The following DPYSL3 variants were observed in gnomAD, a reference collection of about 807,000 sequenced individuals.
The protein encoded by DPYSL3 is dihydropyrimidinase like 3, also known as dihydropyrimidinase-related protein 3.
Under a neutral mutation model 66.1 loss-of-function variants are expected in DPYSL3, and 16 were observed. That is an observed-to-expected ratio of 0.24 (90% CI 0.16 to 0.37). DPYSL3 has a LOEUF of 0.37. DPYSL3 is among the 10% of genes least tolerant of loss of function. DPYSL3 has a pLI of 1.00. For synonymous variants in DPYSL3, 338 were observed against 345.1 expected (o/e 0.98, Z 0.23); for missense variants, 738 against 916.2 (o/e 0.81, Z 2.51).
intron 1 of DPYSL3, among the ~76,000 whole-genome samples, chr5:147,469,216 G>A (rs1250096142): frequency 1.3e-5 from 2 of 152,154 alleles, no homozygotes; most frequent in Non-Finnish European, 2.9e-5. Flanking sequence ...AGCAGCTGTA[G>A]GGCAATATCA....
chr5:147,398,685 G>A (rs78019986), intron 11 of DPYSL3, among the ~76,000 whole-genome samples: 2,352 of 152,148 alleles, frequency 0.015, 63 homozygotes, highest in African/African-American at 0.054. Flanking sequence ...ATCATTGCAC[G>A]CCCTGACTTC....
At chr5:147,423,863 G>C (rs1156870019) in intron 2 of DPYSL3, among the ~76,000 whole-genome samples, 1 of 152,130 alleles carries the variant, frequency 6.6e-6, no homozygotes, top group Non-Finnish European at 1.5e-5. Context: ...TGGGACTGCA[G>C]GCATACACCA....
chr5:147,501,160 G>T (rs1190490832), intron 1 of DPYSL3, among the ~76,000 whole-genome samples: 1 of 152,176 alleles, frequency 6.6e-6, no homozygotes, highest in Non-Finnish European at 1.5e-5. Context: ...GCCATGTAGA[G>T]ACGTGGGGAA....
chr5:147,433,756 A>G (rs1026231719), intron 1 of DPYSL3, among the ~76,000 whole-genome samples: 1 of 152,204 alleles, frequency 6.6e-6, no homozygotes, highest in Non-Finnish European at 1.5e-5. Context: ...ACTCCTGGCC[A>G]GGCGCAGTGG....
chr5:147,416,557 G>T (rs962359101), intron 3 of DPYSL3, among the ~76,000 whole-genome samples: 1 of 152,060 alleles, frequency 6.6e-6, no homozygotes, highest in Non-Finnish European at 1.5e-5. Context: ...TGAAGAAAAG[G>T]CAAAAGTTAC....
At chr5:147,450,714 C>T (rs1752712179) in intron 1 of DPYSL3, among the ~76,000 whole-genome samples, 1 of 152,102 alleles carries the variant, frequency 6.6e-6, no homozygotes, top group Non-Finnish European at 1.5e-5. Flanking sequence ...AAAAACAAAA[C>T]AAAACAAAAA....
intron 12 of DPYSL3, among the ~76,000 whole-genome samples, chr5:147,396,528 G>A (rs1245404768): frequency 1.3e-5 from 2 of 152,170 alleles, no homozygotes; most frequent in Admixed American, 6.5e-5. Context: ...GACCGTGCAG[G>A]ATGGATCATC....
chr5:147,431,210 A>G (rs757638269), intron 1 of DPYSL3, among the ~76,000 whole-genome samples: 3 of 152,188 alleles, frequency 2.0e-5, no homozygotes, highest in Non-Finnish European at 4.4e-5. Context: ...GAGAGGAAAA[A>G]CCAGACATTC....
At position 147,394,080 on chromosome 5, in the gene DPYSL3, G is replaced by A. The variant is rs200584034; in HGVS notation, c.2010C>T (p.Ile670=). 5.0e-6 allele frequency: 8 copies of A among 1,614,154 alleles called. No homozygotes were observed. In the Admixed American group the frequency reaches 8.3e-5, roughly 17 times the overall value. The part of the protein sequence containing the change: ...DEGVRSASKR[I]VAPPGGRSNI... Reference sequence around the variant, plus strand: ...TAGAACGGCCGCCTGGGGGCGCCACGATGCGCTTGCTGGCTGAGCGAACCC... The same window carrying A: ...TAGAACGGCCGCCTGGGGGCGCCACAATGCGCTTGCTGGCTGAGCGAACCC... The change falls in exon 14 of 14, where the codon ATC becomes ATT. Residue 670 remains isoleucine (I), a synonymous_variant. Coordinates refer to ENST00000343218, the MANE Select transcript of DPYSL3 (RefSeq NM_001197294.2).
chr5:147,494,522 T>C (rs2126451107), intron 1 of DPYSL3, among the ~76,000 whole-genome samples: 1 of 151,822 alleles, frequency 6.6e-6, no homozygotes, highest in Non-Finnish European at 1.5e-5. Flanking sequence ...AAATTACTAA[T>C]ATCAGAAATG....
chr5:147,502,615 C>T (rs536667795), intron 1 of DPYSL3, among the ~76,000 whole-genome samples: 12 of 132,316 alleles, frequency 9.1e-5, no homozygotes, highest in Non-Finnish European at 1.7e-4. Context: ...CTCGCTCTGT[C>T]GCCCAGGCTG....
At chr5:147,455,772 A>C (rs1365236059) in intron 1 of DPYSL3, among the ~76,000 whole-genome samples, 2 of 151,854 alleles carry the variant, frequency 1.3e-5, no homozygotes, top group African/African-American at 4.8e-5. Flanking sequence ...AAAAAAAAAT[A>C]CCGCTGCTGC....
intron 11 of DPYSL3, 91 bp from the exon 12 acceptor site, chr5:147,397,936 C>G: frequency 1.5e-6 from 2 of 1,320,532 alleles, no homozygotes; most frequent in Non-Finnish European, 1.0e-6. Flanking sequence ...TCATTTGCTG[C>G]TGATTCACCA....
chr5:147,485,385 A>G (rs1217977000), intron 1 of DPYSL3, among the ~76,000 whole-genome samples: 2 of 152,168 alleles, frequency 1.3e-5, no homozygotes, highest in Non-Finnish European at 2.9e-5. Context: ...GGGCCAAGCG[A>G]CTAAATAAAC....
In DPYSL3 at chr5:147,391,740, A is replaced by T. The variant is rs1213695036; in HGVS notation, c.*2295T>A. ...AATTCCCAGGGATTTCTATGCTTGG[A>T]GAGTTAGTAATGGTAAGTGAAGAAA... is the stretch of plus-strand genomic sequence containing the variant. On this transcript the variant is annotated 3_prime_UTR_variant, in exon 14 of 14. Transcript: ENST00000343218. 6.6e-6 allele frequency: 1 copy of T among 152,114 alleles called. No individual in the cohort carries two copies. Among genetic ancestry groups the T allele is most frequent in the Non-Finnish European group, 1.5e-5 (1 of 68,026 alleles). 9.4% of individuals were successfully genotyped at this position (152,114 alleles called of 1,614,324 possible).
At position 147,427,219 on chromosome 5, in the gene DPYSL3, T is replaced by C. The variant is rs1752214130; in HGVS notation, c.382-2256A>G. Among the ~76,000 whole-genome samples the C allele has an allele frequency of 2.0e-5, 3 of 152,258 alleles. No homozygotes were observed. In the South Asian group the frequency reaches 6.2e-4, roughly 31 times the overall value. ...ACCTGACCTTCCAGCAAATTTCACC[T>C]GCTCCCACTGCAAGTTAGTTGGAAA... On this transcript the variant is annotated intron_variant, in intron 1 of 13. Coordinates refer to ENST00000343218, the MANE Select transcript of DPYSL3 (RefSeq NM_001197294.2).
chr5:147,395,669 TCAAA>T lies in DPYSL3; in HGVS notation c.1852_1855del (p.Phe618ThrfsTer2). The T allele has an allele frequency of 6.2e-7, 1 of 1,613,984 alleles. No individual in the cohort carries two copies. Among genetic ancestry groups the T allele is most frequent in the Non-Finnish European group, 8.5e-7 (1 of 1,180,016 alleles). On this transcript the variant is annotated frameshift_variant, in exon 13 of 14. Transcript: ENST00000343218. LOFTEE classifies it high-confidence loss of function. The stretch of plus-strand genomic sequence containing the variant: ...GCCACCTTTGGGGGTGGTGGTCAGG[TCAAA>T]CACAGGCCCATCGTACATGCCCCTT...
intron 5 of DPYSL3, among the ~76,000 whole-genome samples, chr5:147,413,335 G>C (rs191099648): frequency 4.2e-4 from 64 of 152,304 alleles, no homozygotes; most frequent in Admixed American, 3.0e-3. Flanking sequence ...TTGGTAGATG[G>C]AAATTTAGGC....
chr5:147,473,122 T>C (rs1424164612), intron 1 of DPYSL3: 1 of 152,182 alleles, frequency 6.6e-6, no homozygotes, highest in Non-Finnish European at 1.5e-5. Flanking sequence ...ATAAAGTCAG[T>C]TGCAACATGC....
Sources: allele counts gnomAD v4.1 joint callset (sites outside exome capture counted in the v4.1 genomes callset), GRCh38; gene constraint gnomAD v4.1.1; transcripts MANE v1.5; gene names NCBI Gene and HGNC (gene_info 2026-07-23, HGNC 2026-07-21).